The following CPNE9 variants were observed in gnomAD, a reference collection of about 807,000 sequenced individuals.
CPNE9 encodes copine family member 9, also known as copine-9.
Under a neutral mutation model 83.0 loss-of-function variants are expected in CPNE9, and 59 were observed. The observed-to-expected ratio is 0.71, with a 90% confidence interval of 0.58 to 0.88. The LOEUF (loss-of-function observed/expected upper bound fraction) is 0.88, where lower values mean the gene tolerates loss of function less well. Ranked by LOEUF, CPNE9 falls within the 40% of genes least tolerant of loss-of-function variation. The pLI is 0.00. For synonymous variants in CPNE9, 256 were observed against 273.4 expected (o/e 0.94, Z 0.63); for missense variants, 619 against 720.8 (o/e 0.86, Z 1.62).
chr3:9,710,149 C>CAA (rs373181450), intron 7 of CPNE9, among the ~76,000 whole-genome samples: 1 of 148,110 alleles, frequency 6.8e-6, no homozygotes, highest in Non-Finnish European at 1.5e-5. Flanking sequence ...TCCATCTCTA[C>CAA]AAAAAAAAAG....
At chr3:9,713,122 G>T (rs1262723960) in intron 10 of CPNE9, 43 bp downstream of exon 10, 1 of 1,434,548 alleles carries the variant, frequency 7.0e-7, no homozygotes, top group Non-Finnish European at 9.8e-7. Context: ...CCAAGGACAT[G>T]CCAGTGTGGT....
intron 17 of CPNE9, among the ~76,000 whole-genome samples, chr3:9,720,576 G>T (rs1456183004): frequency 6.6e-6 from 1 of 152,104 alleles, no homozygotes; most frequent in Non-Finnish European, 1.5e-5. Context: ...GAGAAATGAA[G>T]AAATCACCCT....
In CPNE9 at chr3:9,712,716, C is replaced by G; in HGVS notation, c.442-9C>G. On this transcript the variant is annotated splice_polypyrimidine_tract_variant and intron_variant, in intron 8 of 20. Coordinates refer to ENST00000383832, the MANE Select transcript of CPNE9 (RefSeq NM_153635.3). ...GGGGTGCCACCAGCCCAACTTCATCCATCCCTAGGACATTGCCACCATGCA... is the reference window on the plus strand; with the variant it reads ...GGGGTGCCACCAGCCCAACTTCATCGATCCCTAGGACATTGCCACCATGCA... 6.2e-7 allele frequency: 1 copy of G among 1,613,478 alleles called. No homozygotes were observed. The highest frequency in any genetic ancestry group is 8.5e-7 in the Non-Finnish European group (1 of 1,179,432).
chr3:9,709,240 C>CA (rs2076598027), intron 7 of CPNE9, among the ~76,000 whole-genome samples: 1 of 140,956 alleles, frequency 7.1e-6, no homozygotes, highest in Non-Finnish European at 1.5e-5. Context: ...CACGCTACTG[C>CA]ACTCCAGCCT....
At chr3:9,715,449 A>G (rs1559640870) in intron 12 of CPNE9, 24 bp from the exon 13 acceptor site, 3 of 1,613,236 alleles carry the variant, frequency 1.9e-6, no homozygotes, top group African/African-American at 1.3e-5. Flanking sequence ...GTTTCTCATC[A>G]TCACTGTTAC....
chr3:9,722,106 G>A (rs1351507299), intron 17 of CPNE9, among the ~76,000 whole-genome samples: 2 of 151,652 alleles, frequency 1.3e-5, no homozygotes, highest in African/African-American at 2.4e-5. Context: ...TAGAAGAGAC[G>A]GAATTTCGCC....
intron 17 of CPNE9, among the ~76,000 whole-genome samples, chr3:9,720,196 TTTGA>T (rs927316123): frequency 1.6e-4 from 25 of 151,938 alleles, no homozygotes; most frequent in Non-Finnish European, 1.9e-4. Flanking sequence ...AAAAAGATTA[TTTGA>T]TTGAACAAAA....
At chr3:9,726,824 A>T in intron 19 of CPNE9, 102 bp downstream of exon 19, 1 of 1,052,940 alleles carries the variant, frequency 9.5e-7, no homozygotes, top group Non-Finnish European at 1.5e-6. Flanking sequence ...CAAGGTAGAC[A>T]CCCCCGTGTG....
chr3:9,712,222 G>C (rs548681069), intron 7 of CPNE9, among the ~76,000 whole-genome samples: 3 of 152,288 alleles, frequency 2.0e-5, no homozygotes, highest in African/African-American at 7.2e-5. Context: ...TAGAGAAAAA[G>C]ACTAAGGCCG....
intron 17 of CPNE9, among the ~76,000 whole-genome samples, chr3:9,721,642 T>C (rs970626853): frequency 5.3e-5 from 8 of 151,802 alleles, no homozygotes; most frequent in African/African-American, 1.9e-4. Flanking sequence ...AGAAGCAGAG[T>C]AGGCCTGGTA....
chr3:9,709,732 G>GGAGGCC (rs1243437404), intron 7 of CPNE9, among the ~76,000 whole-genome samples: 1 of 151,930 alleles, frequency 6.6e-6, no homozygotes, highest in Non-Finnish European at 1.5e-5. Context: ...GAGCACTTTA[G>GGAGGCC]GAGGCCGAGG....
intron 19 of CPNE9, 68 bp from the exon 20 acceptor site, chr3:9,727,045 A>T (rs560722878): frequency 2.8e-5 from 44 of 1,557,572 alleles, no homozygotes; most frequent in Non-Finnish European, 3.7e-5. Flanking sequence ...AGGGGAGCTC[A>T]AAGGGAGGGG....
At position 9,706,035 on chromosome 3, in the gene CPNE9, C is replaced by G; in HGVS notation, c.349C>G (p.Gln117Glu). The change falls in exon 7 of 21, where the codon CAG becomes GAG. Residue 117 changes from glutamine to glutamate, a missense_variant. Transcript: ENST00000383832. ...FLALGEVIGG[Q>E]GSRVERTLTG... ...GGCCCTGGGAGAGGTGATTGGAGGCCAGGGCAGCCGAGTAGAGCGAACCCT... is the reference window on the plus strand; with the variant it reads ...GGCCCTGGGAGAGGTGATTGGAGGCGAGGGCAGCCGAGTAGAGCGAACCCT... The G allele has an allele frequency of 6.2e-7, 1 of 1,613,602 alleles. No homozygotes were observed. The highest frequency in any genetic ancestry group is 1.3e-5 in the African/African-American group (1 of 74,988).
chr3:9,705,399 C>A, intron 4 of CPNE9, 65 bp from the exon 5 acceptor site: 2 of 1,250,496 alleles, frequency 1.6e-6, no homozygotes, highest in South Asian at 2.7e-5. Context: ...AGACTCGGTG[C>A]CCGACCCCTT....
In CPNE9 at chr3:9,714,935, C is replaced by T. The variant is rs199931426; in HGVS notation, c.672C>T (p.Tyr224=). 2.6e-5 allele frequency: 42 copies of T among 1,613,672 alleles called. No homozygotes were observed. The African/African-American group carries it at 3.1e-4, about 12-fold the overall frequency. The part of the protein sequence containing the change: ...DYDRTVKIDV[Y]DWDRDGSHDF... Reference sequence around the variant, plus strand: ...TCAGAACGGTGAAGATTGATGTGTACGACTGGGACCGGGATGGAAGGTAGA... The same window carrying T: ...TCAGAACGGTGAAGATTGATGTGTATGACTGGGACCGGGATGGAAGGTAGA... Residue 224 remains tyrosine, a synonymous_variant, in exon 11 of 21, where the codon TAC becomes TAT. Coordinates refer to ENST00000383832, the MANE Select transcript of CPNE9 (RefSeq NM_153635.3).
chr3:9,706,163 C>A, intron 7 of CPNE9, 100 bp downstream of exon 7: 1 of 1,211,980 alleles, frequency 8.3e-7, no homozygotes, highest in Non-Finnish European at 1.2e-6. Flanking sequence ...TGGGGTTGCC[C>A]CTGGTCAGGA....
chr3:9,728,867 ACCT>A (rs1346170103), intron 20 of CPNE9, among the ~76,000 whole-genome samples: 1 of 149,744 alleles, frequency 6.7e-6, no homozygotes, highest in African/African-American at 2.5e-5. Context: ...CATCTCTCTG[ACCT>A]CCTCCTGTTC....
Position 9,725,607 on chromosome 3 carries a change from T to C in CPNE9, c.1242-342T>C, listed in dbSNP as rs375584561. ...ATGTGTATATATATGTGTATATGTA[T>C]GTGTATACATGTGTATATATATGTA... On this transcript the variant is annotated intron_variant, in intron 17 of 20. Transcript: ENST00000383832. Among the ~76,000 whole-genome samples, 174 of 144,140 alleles carry C rather than the reference T, an allele frequency of 1.2e-3. No homozygotes were observed. In the South Asian group the frequency reaches 0.015, roughly 12 times the overall value. 94.6% of individuals were successfully genotyped at this position (144,140 alleles called of 152,430 possible). A position where few individuals can be genotyped will look rare whatever the true frequency, so the allele number is the denominator to read the frequency against.
In CPNE9 at chr3:9,729,611, C is replaced by T; in HGVS notation, c.1581C>T (p.Ser527=). 1 of 1,614,144 alleles carries T rather than the reference C, an allele frequency of 6.2e-7. No individual in the cohort carries two copies. Among genetic ancestry groups the T allele is most frequent in the Non-Finnish European group, 8.5e-7 (1 of 1,180,020 alleles). ...CCGAGATCCCGGAGCAGCTGCTGTC[C>T]TATATGCGCACCAGAGACATCCAGC... The part of the protein sequence containing the change: ...VLAEIPEQLL[S]YMRTRDIQPR... The change falls in exon 21 of 21, where the codon TCC becomes TCT. Residue 527 remains serine (S), a synonymous_variant. Transcript: ENST00000383832.
Sources: allele counts gnomAD v4.1 joint callset (sites outside exome capture counted in the v4.1 genomes callset), GRCh38; gene constraint gnomAD v4.1.1; transcripts MANE v1.5; gene names NCBI Gene and HGNC (gene_info 2026-07-23, HGNC 2026-07-21).